Variants in CCDC192 observed in about 807,000 individuals in gnomAD.
CCDC192 encodes coiled-coil domain-containing protein 192.
chr5:127,926,843 A>G (rs1486493019), intron 6 of CCDC192, among the ~76,000 whole-genome samples: 1 of 152,192 alleles, frequency 6.6e-6, no homozygotes, highest in Non-Finnish European at 1.5e-5. Flanking sequence ...GTTTAAGACC[A>G]GGAGTTTAAG....
intron 1 of CCDC192, among the ~76,000 whole-genome samples, chr5:127,704,669 A>G (rs1291442794): frequency 6.6e-6 from 1 of 152,130 alleles, no homozygotes; most frequent in African/African-American, 2.4e-5. Context: ...TAAATAATCT[A>G]TGGGAGGGAG....
intron 2 of CCDC192, among the ~76,000 whole-genome samples, chr5:127,719,607 G>A (rs984561182): frequency 6.8e-6 from 1 of 146,382 alleles, no homozygotes. Context: ...GCTGAATCAT[G>A]TGATAGCTCT....
intron 2 of CCDC192, among the ~76,000 whole-genome samples, chr5:127,753,583 G>C (rs1754375542): frequency 6.6e-6 from 1 of 151,928 alleles, no homozygotes; most frequent in African/African-American, 2.4e-5. Context: ...GTAATCTCCA[G>C]GGGCTGAGAC....
chr5:127,748,572 G>C (rs1473158236), intron 2 of CCDC192, among the ~76,000 whole-genome samples: 1 of 145,762 alleles, frequency 6.9e-6, no homozygotes, highest in Admixed American at 7.0e-5. Context: ...TTTGGCTTAG[G>C]ATTGACTTGG....
At chr5:127,886,101 G>A (rs749968427) in intron 6 of CCDC192, among the ~76,000 whole-genome samples, 3 of 152,090 alleles carry the variant, frequency 2.0e-5, no homozygotes, top group Admixed American at 6.5e-5. Context: ...TCTTCTGCAC[G>A]TGCTTTTCTT....
chr5:127,899,561 C>CAAAA (rs10537626), intron 6 of CCDC192, among the ~76,000 whole-genome samples: 1 of 137,388 alleles, frequency 7.3e-6, no homozygotes, highest in Non-Finnish European at 1.6e-5. Context: ...CACACTGCAC[C>CAAAA]AAAAAAAAAA....
At chr5:127,736,509 A>G (rs1011868338) in intron 2 of CCDC192, among the ~76,000 whole-genome samples, 2 of 151,954 alleles carry the variant, frequency 1.3e-5, no homozygotes, top group African/African-American at 4.9e-5. Context: ...GAATGGTACC[A>G]GTTCCTCCTT....
chr5:127,717,928 CAAA>C, intron 2 of CCDC192, among the ~76,000 whole-genome samples: 35 of 98,050 alleles, frequency 3.6e-4, no homozygotes, highest in South Asian at 1.1e-3. Flanking sequence ...TAAAGCTAGA[CAAA>C]AAAAAAAAAA....
intron 2 of CCDC192, among the ~76,000 whole-genome samples, chr5:127,730,033 G>C (rs1752552390): frequency 6.6e-6 from 1 of 152,084 alleles, no homozygotes; most frequent in Non-Finnish European, 1.5e-5. Context: ...AAGTGGAACT[G>C]AAGAAGATAG....
At chr5:127,808,045 C>T (rs577839084) in intron 5 of CCDC192, among the ~76,000 whole-genome samples, 4 of 152,252 alleles carry the variant, frequency 2.6e-5, no homozygotes, top group Non-Finnish European at 4.4e-5. Flanking sequence ...ATTTATTATT[C>T]TATTAGGTAG....
At chr5:127,914,439 A>G (rs750136050) in intron 6 of CCDC192, among the ~76,000 whole-genome samples, 2 of 152,208 alleles carry the variant, frequency 1.3e-5, no homozygotes, top group Non-Finnish European at 2.9e-5. Flanking sequence ...TATAAATACT[A>G]TAAATAGCCT....
At chr5:127,822,106 A>G (rs1749320114) in intron 5 of CCDC192, among the ~76,000 whole-genome samples, 1 of 152,222 alleles carries the variant, frequency 6.6e-6, no homozygotes, top group Non-Finnish European at 1.5e-5. Context: ...CAGGGACAAC[A>G]TTCTGGGCTT....
At chr5:127,861,457 C>A (rs1182758090) in intron 5 of CCDC192, among the ~76,000 whole-genome samples, 1 of 151,268 alleles carries the variant, frequency 6.6e-6, no homozygotes, top group Non-Finnish European at 1.5e-5. Context: ...GAGTTCGAGA[C>A]CAGCCCAGCC....
chr5:127,865,008 G>T (rs914731308), intron 5 of CCDC192, among the ~76,000 whole-genome samples: 1 of 152,090 alleles, frequency 6.6e-6, no homozygotes, highest in Admixed American at 6.6e-5. Context: ...TTGGCCAGGC[G>T]TGGTGGCACG....
At chr5:127,846,211 C>G (rs1750526916) in intron 5 of CCDC192, among the ~76,000 whole-genome samples, 2 of 151,314 alleles carry the variant, frequency 1.3e-5, no homozygotes, top group South Asian at 4.2e-4. Context: ...ATTCCTTGAA[C>G]CCGGGAGGCG....
chr5:127,911,174 T>C (rs1016975992), intron 6 of CCDC192, among the ~76,000 whole-genome samples: 1 of 152,244 alleles, frequency 6.6e-6, no homozygotes, highest in Non-Finnish European at 1.5e-5. Flanking sequence ...ACAATATGTG[T>C]ATGTATGTCA....
chr5:127,717,178 A>G (rs995553174), intron 2 of CCDC192, among the ~76,000 whole-genome samples: 5 of 152,162 alleles, frequency 3.3e-5, no homozygotes, highest in African/African-American at 1.2e-4. Context: ...CAGGGAAGTA[A>G]AATATTTTAT....
intron 5 of CCDC192, among the ~76,000 whole-genome samples, chr5:127,820,833 A>T (rs1175425483): frequency 6.6e-6 from 1 of 152,162 alleles, no homozygotes; most frequent in Non-Finnish European, 1.5e-5. Flanking sequence ...TTACAACATG[A>T]CTTTAAATGA....
intron 2 of CCDC192, among the ~76,000 whole-genome samples, chr5:127,719,502 CATACAT>C (rs1190035876): frequency 2.5e-4 from 15 of 60,788 alleles, no homozygotes; most frequent in Admixed American, 1.1e-3. Flanking sequence ...TATACACACA[CATACAT>C]ATATATATAT....
Sources: gnomAD v4.1 joint callset for allele counts (sites outside exome capture counted in the v4.1 genomes callset) on GRCh38, gnomAD v4.1.1 for gene constraint, MANE v1.5 for transcripts, NCBI Gene and HGNC (gene_info 2026-07-23, HGNC 2026-07-21) for gene names.